The following EFCAB11 variants were observed in gnomAD, a reference collection of about 807,000 sequenced individuals.
The protein encoded by EFCAB11 is EF-hand calcium-binding domain-containing protein 11.
EFCAB11 carries 14 observed loss-of-function variants against 23.0 expected under a neutral mutation model. The ratio of observed to expected loss-of-function variants is 0.61; its 90% CI spans 0.40 to 0.95. EFCAB11 has a LOEUF of 0.95. EFCAB11 is among the 40% of genes least tolerant of loss of function. The pLI is 0.00. For synonymous variants in EFCAB11, 65 were observed against 66.6 expected (o/e 0.98, Z 0.11); for missense variants, 198 against 195.8 (o/e 1.01, Z -0.07).
intron 5 of EFCAB11, among the ~76,000 whole-genome samples, chr14:89,885,802 G>A (rs1387356161): frequency 1.3e-5 from 2 of 150,320 alleles, no homozygotes; most frequent in Admixed American, 1.3e-4. Context: ...AAAGAAGACA[G>A]CAACTAAAAG....
Position 89,954,673 on chromosome 14 carries a change from A to T in EFCAB11, c.-13T>A. 6.2e-7 allele frequency: 1 copy of T among 1,609,206 alleles called. No individual in the cohort carries two copies. On this transcript the variant is annotated 5_prime_UTR_variant, in exon 1 of 6. Transcript: ENST00000316738. Reference sequence around the variant, plus strand: ...CGGAGAAGAACATCGCGACTACAACAACCGAGCCCCAGCAACCCAACCAGC... The same window carrying T: ...CGGAGAAGAACATCGCGACTACAACTACCGAGCCCCAGCAACCCAACCAGC...
intron 5 of EFCAB11, among the ~76,000 whole-genome samples, chr14:89,914,273 C>T (rs771407432): frequency 6.6e-6 from 1 of 152,184 alleles, no homozygotes; most frequent in East Asian, 1.9e-4. Context: ...GGAGGGACTC[C>T]GGTCCTAAGG....
chr14:89,849,699 G>A (rs1887545677), intron 5 of EFCAB11, among the ~76,000 whole-genome samples: 1 of 138,636 alleles, frequency 7.2e-6, no homozygotes, highest in African/African-American at 2.7e-5. Flanking sequence ...AAGGATTACT[G>A]GCTGACTATT....
chr14:89,843,828 A>G (rs569375887), intron 5 of EFCAB11, among the ~76,000 whole-genome samples: 5 of 152,222 alleles, frequency 3.3e-5, no homozygotes, highest in Non-Finnish European at 7.3e-5. Flanking sequence ...TATAAAAACC[A>G]TATTTAATAT....
chr14:89,954,586 T>A lies in EFCAB11; in HGVS notation c.75A>T (p.Glu25Asp), dbSNP rs1247249370. 5.0e-6 allele frequency: 8 copies of A among 1,613,674 alleles called. No individual in the cohort carries two copies. The highest frequency in any genetic ancestry group is 3.3e-4 in the Middle Eastern group (2 of 6,084). ...GCTCAGTCGCCCTCCGGAAACCTAC[T>A]TCCACCCACTTCCTGTGTTCCGAGG... Reference protein sequence around the residue: ...ASPSEHRKWVEVFKACDEDHK... With the variant: ...ASPSEHRKWVDVFKACDEDHK... The change falls in exon 1 of 6, where the codon GAA becomes GAT. Residue 25 changes from glutamate (E) to aspartate (D), a missense_variant and splice_region_variant. Physicochemically the swap from Glu to Asp is conservative, Grantham distance 45. Coordinates refer to ENST00000316738, the MANE Select transcript of EFCAB11 (RefSeq NM_145231.4).
In EFCAB11 at chr14:89,802,517, G is replaced by A. The variant is rs185687475; in HGVS notation, c.411-5193C>T. 2.4e-3 allele frequency among the ~76,000 whole-genome samples: 361 copies of A among 152,116 alleles called. 2 individuals are homozygous for A. The highest frequency in any genetic ancestry group is 8.3e-3 in the African/African-American group (344 of 41,478). On this transcript the variant is annotated intron_variant, in intron 5 of 5. Transcript: ENST00000316738. ...AGTGATTCTCCTGCCTCAGCCTCCCGAGTAGCTGGGATTACAGGCATGCGC... is the reference window on the plus strand; with the variant it reads ...AGTGATTCTCCTGCCTCAGCCTCCCAAGTAGCTGGGATTACAGGCATGCGC...
chr14:89,808,359 TTTACTG>T (rs1415344287), intron 5 of EFCAB11, among the ~76,000 whole-genome samples: 1 of 152,196 alleles, frequency 6.6e-6, no homozygotes, highest in Non-Finnish European at 1.5e-5. Context: ...AAGTGAGTAA[TTTACTG>T]TATAGATCTT....
chr14:89,915,333 T>C (rs1354223922), intron 5 of EFCAB11, among the ~76,000 whole-genome samples: 1 of 152,232 alleles, frequency 6.6e-6, no homozygotes, highest in Non-Finnish European at 1.5e-5. Context: ...GAAAATGCGA[T>C]AATTTGGGCA....
At chr14:89,840,964 C>T (rs1887242803) in intron 5 of EFCAB11, among the ~76,000 whole-genome samples, 2 of 152,190 alleles carry the variant, frequency 1.3e-5, no homozygotes, top group African/African-American at 4.8e-5. Context: ...GCTCCCTGTA[C>T]ACACCTGTCT....
intron 3 of EFCAB11, among the ~76,000 whole-genome samples, chr14:89,941,154 G>C (rs2139828426): frequency 6.6e-6 from 1 of 152,328 alleles, no homozygotes; most frequent in East Asian, 1.9e-4. Flanking sequence ...CCCAGGGCAG[G>C]AGGACTTATG....
At chr14:89,865,831 A>T (rs371371706) in intron 5 of EFCAB11, among the ~76,000 whole-genome samples, 2 of 152,116 alleles carry the variant, frequency 1.3e-5, no homozygotes, top group South Asian at 4.1e-4. Context: ...TGCTCGGCTA[A>T]TTTTGTATTT....
chr14:89,814,043 T>A (rs1304855813), intron 5 of EFCAB11, among the ~76,000 whole-genome samples: 1 of 151,478 alleles, frequency 6.6e-6, no homozygotes, highest in Non-Finnish European at 1.5e-5. Context: ...CATATGGAAG[T>A]TTTACTGAAA....
chr14:89,919,316 G>C (rs371812562), intron 5 of EFCAB11, among the ~76,000 whole-genome samples: 1 of 152,120 alleles, frequency 6.6e-6, no homozygotes, highest in African/African-American at 2.4e-5. Context: ...ATCTCAGATC[G>C]GCCAAGAGCA....
chr14:89,808,630 C>A (rs1445861595), intron 5 of EFCAB11, among the ~76,000 whole-genome samples: 1 of 152,144 alleles, frequency 6.6e-6, no homozygotes, highest in Non-Finnish European at 1.5e-5. Context: ...TCATTTACAA[C>A]ATGCTCCTAG....
chr14:89,932,705 T>C (rs1890437335), intron 3 of EFCAB11, 78 bp from the exon 4 acceptor site: 2 of 1,082,312 alleles, frequency 1.8e-6, no homozygotes, highest in Admixed American at 2.0e-5. Flanking sequence ...AAATGGACAG[T>C]AATAAATCTC....
At position 89,813,272 on chromosome 14, in the gene EFCAB11, G is replaced by A. The variant is rs990438964; in HGVS notation, c.411-15948C>T. Among the ~76,000 whole-genome samples the A allele has an allele frequency of 9.9e-5, 15 of 152,264 alleles. No individual in the cohort carries two copies. The Middle Eastern group carries it at 0.01, about 104-fold the overall frequency. ...AAGAAGAACCAGGAGCTGTAAAAAT[G>A]ATAAAATAACTTCATACTCTCTGAT... On this transcript the variant is annotated intron_variant, in intron 5 of 5. Transcript: ENST00000316738.
chr14:89,899,968 T>C (rs902689232), intron 5 of EFCAB11, among the ~76,000 whole-genome samples: 6 of 152,204 alleles, frequency 3.9e-5, no homozygotes, highest in Admixed American at 6.5e-5. Context: ...ACCTGCTTAA[T>C]GTGGGCTGTA....
intron 5 of EFCAB11, among the ~76,000 whole-genome samples, chr14:89,903,779 T>A (rs1889408368): frequency 6.6e-6 from 1 of 152,188 alleles, no homozygotes; most frequent in Non-Finnish European, 1.5e-5. Context: ...TTCTTAGAAG[T>A]GCAGAACTTT....
At chr14:89,946,733 C>CTTTT (rs536677296) in intron 3 of EFCAB11, among the ~76,000 whole-genome samples, 1 of 131,382 alleles carries the variant, frequency 7.6e-6, no homozygotes, top group African/African-American at 2.8e-5. Flanking sequence ...TCATGCCTGG[C>CTTTT]TTTTTTTTTT....
Sources: allele counts gnomAD v4.1 joint callset (sites outside exome capture counted in the v4.1 genomes callset), GRCh38; gene constraint gnomAD v4.1.1; transcripts MANE v1.5; gene names NCBI Gene and HGNC (gene_info 2026-07-23, HGNC 2026-07-21).